The following CNTN4 variants were observed in gnomAD, a reference collection of about 807,000 sequenced individuals.
The protein encoded by CNTN4 is contactin-4.
CNTN4 carries 77 observed loss-of-function variants against 122.5 expected under a neutral mutation model. The ratio of observed to expected loss-of-function variants is 0.63; its 90% CI spans 0.52 to 0.76. CNTN4 has a LOEUF of 0.76. CNTN4 is among the 30% of genes least tolerant of loss of function. The pLI is 0.00. For missense variants in CNTN4, 1,256 were observed against 1,259.1 expected, an observed-to-expected ratio of 1.00 and a Z score of 0.04; for synonymous variants, 512 against 447.0, an observed-to-expected ratio of 1.15 and a Z score of -1.83.
At chr3:2,612,050 T>C (rs2081515457) in intron 4 of CNTN4, among the ~76,000 whole-genome samples, 1 of 151,780 alleles carries the variant, frequency 6.6e-6, no homozygotes, top group Non-Finnish European at 1.5e-5. Flanking sequence ...TAACACATGC[T>C]TTCAAAGAAA....
chr3:2,884,923 G>C (rs1181716671), intron 9 of CNTN4, among the ~76,000 whole-genome samples: 1 of 152,192 alleles, frequency 6.6e-6, no homozygotes, highest in Non-Finnish European at 1.5e-5. Flanking sequence ...GCCCACTTAA[G>C]AGCAGGAAGA....
chr3:2,724,252 G>C (rs755416099), intron 4 of CNTN4, among the ~76,000 whole-genome samples: 4 of 152,044 alleles, frequency 2.6e-5, no homozygotes, highest in Non-Finnish European at 5.9e-5. Context: ...CATATGTCTG[G>C]TTTGGATTTC....
intron 4 of CNTN4, among the ~76,000 whole-genome samples, chr3:2,594,037 T>C (rs1397393456): frequency 1.3e-5 from 2 of 152,192 alleles, no homozygotes; most frequent in African/African-American, 4.8e-5. Flanking sequence ...CCTTGACTTA[T>C]TTGAGAACAG....
chr3:2,926,501 C>T (rs983629558), intron 13 of CNTN4, among the ~76,000 whole-genome samples: 1 of 152,114 alleles, frequency 6.6e-6, no homozygotes, highest in African/African-American at 2.4e-5. Flanking sequence ...TATCCCCTAC[C>T]TTTTTCTATA....
intron 2 of CNTN4, among the ~76,000 whole-genome samples, chr3:2,247,194 C>T (rs766675561): frequency 1.3e-5 from 2 of 152,012 alleles, no homozygotes; most frequent in Non-Finnish European, 2.9e-5. Context: ...GTTGCAGTGA[C>T]TGCAATAATT....
chr3:2,744,454 T>C (rs903136886), intron 5 of CNTN4, among the ~76,000 whole-genome samples: 30 of 152,238 alleles, frequency 2.0e-4, no homozygotes, highest in African/African-American at 6.8e-4. Context: ...CTTACTCTCA[T>C]TATGGATTTG....
At chr3:2,278,371 T>C (rs2041596555) in intron 2 of CNTN4, among the ~76,000 whole-genome samples, 1 of 152,212 alleles carries the variant, frequency 6.6e-6, no homozygotes, top group African/African-American at 2.4e-5. Context: ...GCACATTAGC[T>C]GGTTACTGAG....
rs2037250934 is a variant in CNTN4 at position 2,186,137 on chromosome 3, G to T, written c.-145+85498G>T. On this transcript the variant is annotated intron_variant, in intron 2 of 24. Transcript: ENST00000418658. The stretch of plus-strand genomic sequence containing the variant: ...GACGTTCCCCTTCCTGTGTCCAAGT[G>T]TTCTCATTGTTCAATTCCCACCTAT... Among the ~76,000 whole-genome samples, 3 of 143,640 alleles carry T rather than the reference G, an allele frequency of 2.1e-5. No individual in the cohort carries two copies. In the South Asian group the frequency reaches 6.5e-4, roughly 31 times the overall value. The allele number at this position is 143,640 out of a possible 152,430, so 94.2% of individuals were successfully genotyped here.
chr3:2,416,413 A>T (rs1040251099), intron 3 of CNTN4, among the ~76,000 whole-genome samples: 2 of 152,222 alleles, frequency 1.3e-5, no homozygotes, highest in African/African-American at 4.8e-5. Context: ...ACATATGTAA[A>T]ATGTAATTTA....
chr3:2,357,356 T>A (rs577043498), intron 3 of CNTN4, among the ~76,000 whole-genome samples: 2 of 152,326 alleles, frequency 1.3e-5, no homozygotes, highest in South Asian at 4.1e-4. Flanking sequence ...GTGTTGGAAT[T>A]AAAAGCTAGA....
intron 3 of CNTN4, among the ~76,000 whole-genome samples, chr3:2,355,322 G>T (rs2044822560): frequency 6.6e-6 from 1 of 152,238 alleles, no homozygotes; most frequent in Non-Finnish European, 1.5e-5. Flanking sequence ...GGAACTTTTG[G>T]TCTGTGTAAA....
intron 12 of CNTN4, among the ~76,000 whole-genome samples, chr3:2,908,911 G>A (rs2094267480): frequency 6.6e-6 from 1 of 152,046 alleles, no homozygotes; most frequent in African/African-American, 2.4e-5. Flanking sequence ...CCTGTGTGGT[G>A]GAACACATCT....
chr3:2,696,878 G>C (rs553967727), intron 4 of CNTN4, among the ~76,000 whole-genome samples: 1 of 152,258 alleles, frequency 6.6e-6, no homozygotes, highest in South Asian at 2.1e-4. Context: ...ACCAAACTTT[G>C]TCTGGAGCAT....
chr3:2,101,203 C>T (rs2031922814), intron 2 of CNTN4, among the ~76,000 whole-genome samples: 1 of 151,966 alleles, frequency 6.6e-6, no homozygotes, highest in Non-Finnish European at 1.5e-5. Context: ...CCTTTTTGTT[C>T]AAAAGTAGGT....
chr3:2,125,702 C>T (rs930317928), intron 2 of CNTN4, among the ~76,000 whole-genome samples: 17 of 151,738 alleles, frequency 1.1e-4, no homozygotes, highest in Non-Finnish European at 2.1e-4. Flanking sequence ...GGACTACAGG[C>T]GCCTGCCACC....
rs114924324 is a variant in CNTN4 at position 2,735,745 on chromosome 3, G to T, written c.56-470G>T. On this transcript the variant is annotated intron_variant, in intron 4 of 24. Coordinates refer to ENST00000418658, the MANE Select transcript of CNTN4 (RefSeq NM_175607.3). Reference sequence around the variant, plus strand: ...AAGTGTTGTGTATATTAGCAATACGGAGCTGTTACTCATTATTGACTTATT... The same window carrying T: ...AAGTGTTGTGTATATTAGCAATACGTAGCTGTTACTCATTATTGACTTATT... The T allele has an allele frequency of 2.8e-3, 934 of 337,208 alleles. 9 individuals carry two copies. The highest frequency in any genetic ancestry group is 0.019 in the African/African-American group (867 of 46,628). 20.9% of individuals were successfully genotyped at this position (337,208 alleles called of 1,614,324 possible).
intron 23 of CNTN4, among the ~76,000 whole-genome samples, chr3:3,047,911 A>G (rs1031803634): frequency 1.3e-5 from 2 of 152,114 alleles, no homozygotes; most frequent in African/African-American, 4.8e-5. Flanking sequence ...AGAGAGAAGA[A>G]TCAAATAGAT....
At position 2,324,036 on chromosome 3, in the gene CNTN4, T is replaced by C. The variant is rs538493985; in HGVS notation, c.-144-15142T>C. ...ATCTTGGTTATGGGGAGCTCTCCTG[T>C]TCATTATAGGATATTTATCAGCACT... is the stretch of plus-strand genomic sequence containing the variant. On this transcript the variant is annotated intron_variant, in intron 2 of 24. Coordinates refer to ENST00000418658, the MANE Select transcript of CNTN4 (RefSeq NM_175607.3). 3.5e-3 allele frequency among the ~76,000 whole-genome samples: 532 copies of C among 152,288 alleles called. 4 individuals carry two copies. Among genetic ancestry groups the C allele is most frequent in the Middle Eastern group, 0.014 (4 of 294 alleles).
intron 10 of CNTN4, among the ~76,000 whole-genome samples, chr3:2,889,545 C>A (rs959763206): frequency 1.3e-5 from 2 of 152,138 alleles, no homozygotes; most frequent in Non-Finnish European, 2.9e-5. Flanking sequence ...GTATTTTTAA[C>A]TGTGTAGGGC....
Sources: allele counts gnomAD v4.1 joint callset (sites outside exome capture counted in the v4.1 genomes callset), GRCh38; gene constraint gnomAD v4.1.1; transcripts MANE v1.5; gene names NCBI Gene and HGNC (gene_info 2026-07-23, HGNC 2026-07-21).